The following BAZ2B variants were observed in gnomAD, a reference collection of about 807,000 sequenced individuals.
BAZ2B encodes bromodomain adjacent to zinc finger domain 2B.
BAZ2B carries 91 observed loss-of-function variants against 246.0 expected under a neutral mutation model. The observed-to-expected ratio is 0.37, with a 90% CI of 0.31 to 0.44. The LOEUF (loss-of-function observed/expected upper bound fraction) is 0.44. BAZ2B is among the 20% of genes least tolerant of loss of function. BAZ2B has a pLI of 1.00. For missense variants in BAZ2B, 2,332 were observed against 2,533.7 expected, an observed-to-expected ratio of 0.92 and a Z score of 1.71; for synonymous variants, 855 against 860.0, an observed-to-expected ratio of 0.99 and a Z score of 0.10.
intron 27 of BAZ2B, among the ~76,000 whole-genome samples, chr2:159,352,660 AT>A (rs1274465353): frequency 6.6e-6 from 1 of 151,998 alleles, no homozygotes; most frequent in Non-Finnish European, 1.5e-5. Flanking sequence ...TAATTTTTGT[AT>A]TTTTTGTAGA....
At chr2:159,629,897 A>T in the BAZ2B span, among the ~76,000 whole-genome samples, 1 of 152,224 alleles carries the variant, frequency 6.6e-6, no homozygotes, top group African/African-American at 2.4e-5. Context: ...TTTACAGTGA[A>T]TTCCAGTATT....
chr2:159,484,096 G>T (rs1201189607), intron 2 of BAZ2B, among the ~76,000 whole-genome samples: 1 of 152,214 alleles, frequency 6.6e-6, no homozygotes, highest in Non-Finnish European at 1.5e-5. Context: ...ATTGAGTGGA[G>T]ATAGAGGCCA....
intron 2 of BAZ2B, among the ~76,000 whole-genome samples, chr2:159,552,042 C>T (rs2088326524): frequency 6.6e-6 from 1 of 152,156 alleles, no homozygotes; most frequent in Non-Finnish European, 1.5e-5. Flanking sequence ...TTTCTAACCC[C>T]AAGTCCATGT....
downstream of BAZ2B, among the ~76,000 whole-genome samples, chr2:159,316,235 A>C (rs1345506726): frequency 6.6e-6 from 1 of 152,044 alleles, no homozygotes; most frequent in Non-Finnish European, 1.5e-5. Context: ...TGAAGAAAGA[A>C]ATTAATTACC....
At chr2:159,684,366 G>A in the BAZ2B span, among the ~76,000 whole-genome samples, 4 of 152,158 alleles carry the variant, frequency 2.6e-5, no homozygotes, top group African/African-American at 9.7e-5. Flanking sequence ...GTAAGTACAC[G>A]TTTAGCTTTC....
intron 3 of BAZ2B, among the ~76,000 whole-genome samples, chr2:159,476,105 G>C (rs1334171961): frequency 6.6e-6 from 1 of 152,100 alleles, no homozygotes; most frequent in Admixed American, 6.6e-5. Context: ...AGAGCTGGTA[G>C]GCAGGAATGT....
At chr2:159,385,791 TA>T (rs931044656) in intron 22 of BAZ2B, among the ~76,000 whole-genome samples, 1 of 152,056 alleles carries the variant, frequency 6.6e-6, no homozygotes, top group African/African-American at 2.4e-5. Context: ...CTGGGGATAA[TA>T]AATAGGGAAA....
intron 27 of BAZ2B, 126 bp downstream of exon 27, chr2:159,372,919 A>G (rs989841607): frequency 1.8e-6 from 2 of 1,121,294 alleles, no homozygotes; most frequent in Non-Finnish European, 2.5e-6. Flanking sequence ...AAAAGGAATG[A>G]GAATTAAGGT....
intron 2 of BAZ2B, among the ~76,000 whole-genome samples, chr2:159,515,026 AAAG>A (rs765792748): frequency 8.5e-5 from 13 of 152,166 alleles, no homozygotes; most frequent in Middle Eastern, 3.4e-3. Flanking sequence ...TCTTTCAACA[AAAG>A]AAGGAGTCTA....
intron 2 of BAZ2B, among the ~76,000 whole-genome samples, chr2:159,546,403 G>A (rs10201763): frequency 0.026 from 3,892 of 150,826 alleles, 170 homozygotes; most frequent in African/African-American, 0.09. Flanking sequence ...CCCCAGCCAC[G>A]TGGAACTGTA....
At chr2:159,494,458 A>C (rs899083086) in intron 2 of BAZ2B, among the ~76,000 whole-genome samples, 1 of 152,170 alleles carries the variant, frequency 6.6e-6, no homozygotes, top group Non-Finnish European at 1.5e-5. Context: ...ATATAAGTAC[A>C]TTTATATAAA....
intron 31 of BAZ2B, among the ~76,000 whole-genome samples, chr2:159,346,552 A>G (rs774823962): frequency 1.3e-5 from 2 of 152,094 alleles, no homozygotes; most frequent in Non-Finnish European, 2.9e-5. Flanking sequence ...TAAAAATACA[A>G]AAATTAGTGG....
At position 159,446,940 on chromosome 2, in the gene BAZ2B, A is replaced by T; in HGVS notation, c.538T>A (p.Ser180Thr). 1 of 1,593,960 alleles carries T rather than the reference A, an allele frequency of 6.3e-7. No individual in the cohort carries two copies. Among genetic ancestry groups the T allele is most frequent in the Non-Finnish European group, 8.5e-7 (1 of 1,172,122 alleles). The change falls in exon 6 of 37, where the codon TCT becomes ACT. Residue 180 changes from serine (S) to threonine (T), a missense_variant. Physicochemically the swap from Ser to Thr is moderately conservative, Grantham distance 58. This residue lies in a region of BAZ2B where 242 missense variants were observed against 237.4 expected (regional missense o/e 1.02). Coordinates refer to ENST00000392783, the MANE Select transcript of BAZ2B (RefSeq NM_013450.4). Reference sequence around the variant, plus strand: ...ACAGATGTGTTGATACCAATTACAGATGATGTATTACTTCCATTTATTGAC... The same window carrying T: ...ACAGATGTGTTGATACCAATTACAGTTGATGTATTACTTCCATTTATTGAC... Reference protein sequence around the residue: ...NGSINGSNTSSVIGINTSVLS... With the variant: ...NGSINGSNTSTVIGINTSVLS...
intron 3 of BAZ2B, among the ~76,000 whole-genome samples, chr2:159,468,927 T>C (rs1286372507): frequency 6.6e-6 from 1 of 151,670 alleles, no homozygotes; most frequent in Non-Finnish European, 1.5e-5. Context: ...GGTGGGTGCC[T>C]GTAATCACAT....
chr2:159,641,054 T>C, the BAZ2B span, among the ~76,000 whole-genome samples: 1 of 152,092 alleles, frequency 6.6e-6, no homozygotes, highest in Non-Finnish European at 1.5e-5. Context: ...TTACAACTGA[T>C]ATTGCAGAAA....
At chr2:159,435,160 T>C (rs1162556378) in intron 8 of BAZ2B, 1 of 151,778 alleles carries the variant, frequency 6.6e-6, no homozygotes, top group African/African-American at 2.4e-5. Flanking sequence ...CAAGTGTAAA[T>C]GCTGATGGAA....
chr2:159,328,070 G>GAAAAAAAA (rs1306873341), intron 34 of BAZ2B, among the ~76,000 whole-genome samples: 26 of 49,468 alleles, frequency 5.3e-4, no homozygotes, highest in African/African-American at 1.0e-3. Context: ...GCCTCAAAAC[G>GAAAAAAAA]AAAAAAAAAA....
At chr2:159,674,504 T>A in the BAZ2B span, among the ~76,000 whole-genome samples, 2 of 151,660 alleles carry the variant, frequency 1.3e-5, no homozygotes, top group Non-Finnish European at 2.9e-5. Flanking sequence ...CACTTCATGT[T>A]ATTAGTTGGA....
chr2:159,380,140 AT>A (rs1386733334), intron 25 of BAZ2B, among the ~76,000 whole-genome samples: 1 of 151,958 alleles, frequency 6.6e-6, no homozygotes, highest in Admixed American at 6.6e-5. Context: ...GCTTTTTAAA[AT>A]TTCTTTTATC....
Sources: allele counts gnomAD v4.1 joint callset (sites outside exome capture counted in the v4.1 genomes callset), GRCh38; gene constraint gnomAD v4.1.1; regional missense constraint gnomAD v4.1.1; transcripts MANE v1.5; gene names NCBI Gene and HGNC (gene_info 2026-07-23, HGNC 2026-07-21).